Variants in EHHADH observed in about 807,000 individuals in gnomAD.
The protein encoded by EHHADH is enoyl-CoA hydratase and 3-hydroxyacyl CoA dehydrogenase.
Under a neutral mutation model 64.4 loss-of-function variants are expected in EHHADH, and 48 were observed. That is an observed-to-expected ratio of 0.75 (90% CI 0.59 to 0.95). The LOEUF (loss-of-function observed/expected upper bound fraction) is 0.95, where lower values mean the gene tolerates loss of function less well. EHHADH is among the 40% of genes least tolerant of loss of function. EHHADH has a pLI of 0.00. For synonymous variants in EHHADH, 308 were observed against 326.7 expected (o/e 0.94, Z 0.62); for missense variants, 854 against 876.6 (o/e 0.97, Z 0.33).
chr3:185,246,355 C>T, intron 2 of EHHADH: 5 of 700,252 alleles, frequency 7.1e-6, no homozygotes, highest in Non-Finnish European at 9.2e-6. Flanking sequence ...GTTTGAGTAT[C>T]CCCTTCCTCA....
At position 185,248,325 on chromosome 3, in the gene EHHADH, T is replaced by G. The variant is rs1719651163; in HGVS notation, c.178+89A>C. 6 of 952,848 alleles carry G rather than the reference T, an allele frequency of 6.3e-6. No homozygotes were observed. In the East Asian group the frequency reaches 1.4e-4, roughly 23 times the overall value. The allele number at this position is 952,848 out of a possible 1,614,324, so 59.0% of individuals were successfully genotyped here. A position where few individuals can be genotyped will look rare whatever the true frequency, so the allele number is the denominator to read the frequency against. On this transcript the variant is annotated intron_variant, in intron 2 of 6. Transcript: ENST00000231887. ...TGCCATATCCATTACCTACACTAAG[T>G]TATTACCAACAAGCACAGCTAATGC...
intron 5 of EHHADH, among the ~76,000 whole-genome samples, chr3:185,213,740 TGTG>T (rs1718610233): frequency 6.6e-6 from 1 of 150,972 alleles, no homozygotes; most frequent in African/African-American, 2.4e-5. Flanking sequence ...ATTAGCTGAG[TGTG>T]GTGATGCATG....
chr3:185,216,770 T>G lies in EHHADH; in HGVS notation c.568+1366A>C, dbSNP rs1718689702. Among the ~76,000 whole-genome samples, 2 of 152,214 alleles carry G rather than the reference T, an allele frequency of 1.3e-5. No individual in the cohort carries two copies. Among genetic ancestry groups the G allele is most frequent in the Non-Finnish European group, 1.5e-5 (1 of 68,036 alleles). On this transcript the variant is annotated intron_variant, in intron 5 of 6. Coordinates refer to ENST00000231887, the MANE Select transcript of EHHADH (RefSeq NM_001966.4). The surrounding 1 kb of genome is among the most constrained non-coding windows in gnomAD (Gnocchi z 5.3). The stretch of plus-strand genomic sequence containing the variant: ...ATGCCTTTGAATGACACTGGGCCAT[T>G]GCCTGCCACCAAGCGGGAGACCAGC...
chr3:185,213,217 C>T (rs1718597206), intron 5 of EHHADH, among the ~76,000 whole-genome samples: 1 of 149,890 alleles, frequency 6.7e-6, no homozygotes, highest in Non-Finnish European at 1.5e-5. Flanking sequence ...CCTTTCTTAC[C>T]CTTGTTCTCT....
intron 5 of EHHADH, among the ~76,000 whole-genome samples, chr3:185,214,077 C>A (rs934322291): frequency 7.2e-5 from 11 of 152,118 alleles, no homozygotes; most frequent in Non-Finnish European, 1.3e-4. Flanking sequence ...GTCTTTTTCT[C>A]TACCTTGATC....
At chr3:185,194,435 A>C (rs527879871) in intron 6 of EHHADH, among the ~76,000 whole-genome samples, 2 of 152,244 alleles carry the variant, frequency 1.3e-5, no homozygotes, top group East Asian at 3.9e-4. Flanking sequence ...CAACATGGAG[A>C]AAACCCGTCT....
intron 5 of EHHADH, among the ~76,000 whole-genome samples, chr3:185,213,880 CA>C (rs58869131): frequency 0.012 from 820 of 70,778 alleles, 8 homozygotes; most frequent in African/African-American, 0.033. Context: ...AACTCCGTCT[CA>C]AAAAAAAAAA....
intron 2 of EHHADH, among the ~76,000 whole-genome samples, chr3:185,236,093 A>G (rs1719284861): frequency 6.6e-6 from 1 of 152,226 alleles, no homozygotes; most frequent in Non-Finnish European, 1.5e-5. Flanking sequence ...AAAACCACGC[A>G]AAATTAAAAA....
intron 2 of EHHADH, among the ~76,000 whole-genome samples, chr3:185,247,045 T>C (rs1347466873): frequency 2.0e-5 from 3 of 152,192 alleles, no homozygotes; most frequent in Admixed American, 2.0e-4. Flanking sequence ...GTTATATTTT[T>C]GTTATTGATT....
chr3:185,251,305 G>A (rs1719739815), intron 1 of EHHADH, among the ~76,000 whole-genome samples: 1 of 152,032 alleles, frequency 6.6e-6, no homozygotes. Context: ...AAGAAGAGAT[G>A]AGAAAATAGA....
chr3:185,245,782 A>G (rs1719577681), intron 2 of EHHADH: 1 of 716,810 alleles, frequency 1.4e-6, no homozygotes, highest in African/African-American at 1.8e-5. Flanking sequence ...AGATATCTGT[A>G]AAGTTGACAG....
chr3:185,238,565 G>C (rs1001448787), intron 2 of EHHADH, among the ~76,000 whole-genome samples: 1 of 152,074 alleles, frequency 6.6e-6, no homozygotes, highest in Admixed American at 6.6e-5. Flanking sequence ...TTTGGCAAAT[G>C]TATATGTCCT....
chr3:185,253,864 C>T (rs1233455281), intron 1 of EHHADH, 85 bp downstream of exon 1: 5 of 1,567,954 alleles, frequency 3.2e-6, no homozygotes, highest in African/African-American at 2.7e-5. Context: ...CGGTTTAAAC[C>T]GACGGGGGAG....
intron 2 of EHHADH, among the ~76,000 whole-genome samples, chr3:185,238,456 G>A (rs892897776): frequency 6.6e-6 from 1 of 152,090 alleles, no homozygotes; most frequent in Admixed American, 6.5e-5. Flanking sequence ...CACTCTAAGT[G>A]GTGTGAGATA....
chr3:185,197,281 AT>A (rs1272983757), intron 6 of EHHADH, among the ~76,000 whole-genome samples: 5 of 152,174 alleles, frequency 3.3e-5, no homozygotes, highest in South Asian at 2.1e-4. Flanking sequence ...CTTACTATGC[AT>A]TTTCTGATTT....
chr3:185,249,713 CTCCT>C (rs1169444843), intron 1 of EHHADH, among the ~76,000 whole-genome samples: 1 of 151,856 alleles, frequency 6.6e-6, no homozygotes, highest in Non-Finnish European at 1.5e-5. Context: ...TCAATTAAGC[CTCCT>C]TCCTTTATAA....
chr3:185,192,937 A>C lies in EHHADH; in HGVS notation c.1461T>G (p.Pro487=), dbSNP rs778987672. 5 of 1,614,120 alleles carry C rather than the reference A, an allele frequency of 3.1e-6. No individual in the cohort carries two copies. Among genetic ancestry groups the C allele is most frequent in the South Asian group, 1.1e-5 (1 of 91,064 alleles). The change falls in exon 7 of 7, where the codon CCT becomes CCG. Residue 487 remains proline (P), a synonymous_variant. Transcript: ENST00000231887. ...FGFVGNRMLN[P]YYNQAYFLLE... ...ACAAGAAATATGCCTGATTGTAGTA[A>C]GGATTCAACATTCGATTCCCCACAA... is the stretch of plus-strand genomic sequence containing the variant.
At chr3:185,219,358 G>A (rs1372969824) in intron 4 of EHHADH, among the ~76,000 whole-genome samples, 1 of 152,180 alleles carries the variant, frequency 6.6e-6, no homozygotes, top group Non-Finnish European at 1.5e-5. Flanking sequence ...GCTCTGTTGA[G>A]GGTTTTTAGC....
chr3:185,211,232 A>G (rs1483920398), intron 5 of EHHADH, among the ~76,000 whole-genome samples: 1 of 152,214 alleles, frequency 6.6e-6, no homozygotes, highest in African/African-American at 2.4e-5. Context: ...CAGTACCTAT[A>G]CAATAAGAGA....
Sources: gnomAD v4.1 joint callset for allele counts (sites outside exome capture counted in the v4.1 genomes callset) on GRCh38, gnomAD v4.1.1 for gene constraint, Gnocchi (gnomAD v3.1) non-coding constraint, MANE v1.5 for transcripts, NCBI Gene and HGNC (gene_info 2026-07-23, HGNC 2026-07-21) for gene names.